The following RYR2 variants were observed in gnomAD, a reference collection of about 807,000 sequenced individuals.
RYR2 encodes cardiac muscle ryanodine receptor-calcium release channel.
Under a neutral mutation model 601.1 loss-of-function variants are expected in RYR2, and 227 were observed. That is an observed-to-expected ratio of 0.38 (90% CI 0.34 to 0.42). The LOEUF (loss-of-function observed/expected upper bound fraction) is 0.42. RYR2 is among the 10% of genes least tolerant of loss of function. The probability of loss-of-function intolerance (pLI) is 1.00; values close to 1 mark genes in which losing one functional copy is unlikely to be tolerated. For missense variants in RYR2, 4,646 were observed against 6,156.5 expected (o/e 0.75, Z 8.21); for synonymous variants, 2,223 against 2,175.1 (o/e 1.02, Z -0.61).
intron 29 of RYR2, among the ~76,000 whole-genome samples, chr1:237,586,532 A>G (rs927972652): frequency 2.0e-5 from 3 of 152,164 alleles, no homozygotes; most frequent in Non-Finnish European, 4.4e-5. Flanking sequence ...GGGCTAAGAC[A>G]TGAATCCTGG....
chr1:237,795,403 G>T, intron 96 of RYR2, 72 bp downstream of exon 96: 1 of 770,530 alleles, frequency 1.3e-6, no homozygotes. Flanking sequence ...TGATTCAGAT[G>T]TAGAATAAGA....
chr1:237,546,508 G>C (rs1192502255), intron 25 of RYR2, among the ~76,000 whole-genome samples: 4 of 152,054 alleles, frequency 2.6e-5, no homozygotes, highest in African/African-American at 7.2e-5. Context: ...CTCCGAAGTA[G>C]CTGTGATTAC....
At position 237,387,270 on chromosome 1, in the gene RYR2, T is replaced by C. The variant is rs1193237909; in HGVS notation, c.577-11T>C. On this transcript the variant is annotated splice_polypyrimidine_tract_variant and intron_variant, in intron 8 of 104. Transcript: ENST00000366574. Reference sequence around the variant, plus strand: ...GCCTGAAGTGATGCCTCCTTTTGCCTCTTGATACAGCACTTGTCTTATGGC... The same window carrying C: ...GCCTGAAGTGATGCCTCCTTTTGCCCCTTGATACAGCACTTGTCTTATGGC... The C allele has an allele frequency of 6.2e-7, 1 of 1,613,716 alleles. No homozygotes were observed. The highest frequency in any genetic ancestry group is 8.5e-7 in the Non-Finnish European group (1 of 1,179,630).
rs755072769 is a variant in RYR2, at chr1:237,643,417, A to G, written c.7312A>G (p.Ile2438Val). 3.7e-6 allele frequency: 6 copies of G among 1,613,940 alleles called. No individual in the cohort carries two copies. The highest frequency in any genetic ancestry group is 1.1e-5 in the South Asian group (1 of 91,086). Reference sequence around the variant, plus strand: ...GGGAGATTTGGTGGGCGTTATCAGCATCGCTTTTCAGATGCCAACAATAGC... The same window carrying G: ...GGGAGATTTGGTGGGCGTTATCAGCGTCGCTTTTCAGATGCCAACAATAGC... ...PLGDLVGVISIAFQMPTIAKD... is the reference protein window; with the variant it reads ...PLGDLVGVISVAFQMPTIAKD... Residue 2438 changes from isoleucine (I) to valine (V), a missense_variant, in exon 48 of 105, where the codon ATC (isoleucine) becomes GTC (valine). Transcript: ENST00000366574.
At position 237,273,170 on chromosome 1, in the gene RYR2, A is replaced by G. The variant is rs192757973; in HGVS notation, c.168+2554A>G. On this transcript the variant is annotated intron_variant, in intron 2 of 104. Coordinates refer to ENST00000366574, the MANE Select transcript of RYR2 (RefSeq NM_001035.3). ...CTTGTTTTCCTGCTACTAGATGGCTATATCTGGGGGTGACAGTGACAGATC... is the reference window on the plus strand; with the variant it reads ...CTTGTTTTCCTGCTACTAGATGGCTGTATCTGGGGGTGACAGTGACAGATC... Among the ~76,000 whole-genome samples the G allele has an allele frequency of 2.1e-4, 32 of 152,212 alleles. No individual in the cohort carries two copies. The South Asian group carries it at 5.8e-3, about 28-fold the overall frequency.
chr1:237,064,876 A>G (rs1385113254), intron 1 of RYR2, among the ~76,000 whole-genome samples: 4 of 150,756 alleles, frequency 2.7e-5, no homozygotes, highest in African/African-American at 4.9e-5. Flanking sequence ...GCGACTTCAA[A>G]TAATCTTCTA....
chr1:237,471,492 G>C (rs909794681), intron 17 of RYR2, among the ~76,000 whole-genome samples: 1 of 152,202 alleles, frequency 6.6e-6, no homozygotes, highest in African/African-American at 2.4e-5. Context: ...TCACTGGAAA[G>C]CTACAGAAGA....
chr1:237,702,130 C>T, intron 66 of RYR2, 71 bp downstream of exon 66: 3 of 873,248 alleles, frequency 3.4e-6, no homozygotes. Flanking sequence ...TTTCAAGAAT[C>T]TTCATTTCAT....
Position 237,708,912 on chromosome 1 carries a change from T to C in RYR2, c.9956T>C (p.Phe3319Ser). The change falls in exon 69 of 105, where the codon TTC becomes TCC. Residue 3319 changes from phenylalanine (F) to serine (S), a missense_variant. By Grantham distance (155) the Phe-to-Ser change is radical. Transcript: ENST00000366574. ...KVKPQLLKTH[F>S]LPLMEKLKKK... ...AAACCTCAGCTCTTGAAAACTCATT[T>C]CTTGCCGTTAATGGAGAAACTCAAG... 1 of 1,612,746 alleles carries C rather than the reference T, an allele frequency of 6.2e-7. No individual in the cohort carries two copies. Among genetic ancestry groups the C allele is most frequent in the South Asian group, 1.1e-5 (1 of 90,942 alleles).
At chr1:237,602,900 A>G (rs1281833374) in intron 35 of RYR2, among the ~76,000 whole-genome samples, 1 of 152,208 alleles carries the variant, frequency 6.6e-6, no homozygotes, top group Non-Finnish European at 1.5e-5. Flanking sequence ...ATCAGTAGCA[A>G]TGAGGTGTCA....
chr1:237,161,689 G>A (rs998708607), intron 1 of RYR2, among the ~76,000 whole-genome samples: 3 of 152,070 alleles, frequency 2.0e-5, no homozygotes, highest in Non-Finnish European at 4.4e-5. Context: ...ATGGATACAT[G>A]CAAATATTCT....
At chr1:237,571,120 C>A (rs10218600) in intron 29 of RYR2, among the ~76,000 whole-genome samples, 7,664 of 151,920 alleles carry the variant, frequency 0.05, 274 homozygotes, top group East Asian at 0.13. Flanking sequence ...AGAGTGAGAC[C>A]TTGTCTCAAA....
At chr1:237,116,789 C>T (rs1427747807) in intron 1 of RYR2, among the ~76,000 whole-genome samples, 1 of 152,034 alleles carries the variant, frequency 6.6e-6, no homozygotes, top group Non-Finnish European at 1.5e-5. Flanking sequence ...AGCAGTGAGG[C>T]AGAGAACACA....
chr1:237,418,866 A>G (rs1249053912), intron 11 of RYR2, among the ~76,000 whole-genome samples: 1 of 152,072 alleles, frequency 6.6e-6, no homozygotes, highest in African/African-American at 2.4e-5. Context: ...CTACCTAAAT[A>G]TTAAAACTTT....
intron 1 of RYR2, among the ~76,000 whole-genome samples, chr1:237,259,437 G>A (rs189722273): frequency 4.6e-4 from 70 of 151,822 alleles, no homozygotes; most frequent in Non-Finnish European, 9.6e-4. Flanking sequence ...GAACCTAGGA[G>A]GCAGAGGTTG....
rs769997666 is a variant in RYR2, at chr1:237,641,017, G to T, written c.7221+15G>T. On this transcript the variant is annotated intron_variant, in intron 47 of 104. Coordinates refer to ENST00000366574, the MANE Select transcript of RYR2 (RefSeq NM_001035.3). Reference sequence around the variant, plus strand: ...CTGAGATGCATGTGAGTTTCTGGGAGTTCAGGAGCAGCAATCCTGATTTCT... The same window carrying T: ...CTGAGATGCATGTGAGTTTCTGGGATTTCAGGAGCAGCAATCCTGATTTCT... 1 of 1,584,734 alleles carries T rather than the reference G, an allele frequency of 6.3e-7. No homozygotes were observed. The highest frequency in any genetic ancestry group is 8.6e-7 in the Non-Finnish European group (1 of 1,159,218).
chr1:237,511,846 A>AAAC, intron 24 of RYR2, 55 bp downstream of exon 24: 1 of 1,005,048 alleles, frequency 9.9e-7, no homozygotes, highest in South Asian at 1.8e-5. Context: ...AAAAAAAAAA[A>AAAC]AAAAAAAAAA....
At chr1:237,793,222 G>A (rs373273917) in intron 94 of RYR2, among the ~76,000 whole-genome samples, 57 of 152,256 alleles carry the variant, frequency 3.7e-4, no homozygotes, top group Admixed American at 2.7e-3. Flanking sequence ...CTTTCCTCCC[G>A]TTTATTCTGT....
chr1:237,717,426 T>C, intron 72 of RYR2, 58 bp downstream of exon 72: 1 of 1,376,080 alleles, frequency 7.3e-7, no homozygotes, highest in Non-Finnish European at 9.8e-7. Context: ...CTCTCAGTGT[T>C]TGATTCCTTT....
Sources: allele counts gnomAD v4.1 joint callset (sites outside exome capture counted in the v4.1 genomes callset), GRCh38; gene constraint gnomAD v4.1.1; transcripts MANE v1.5; gene names NCBI Gene and HGNC (gene_info 2026-07-23, HGNC 2026-07-21).